COPS3: variants seen among roughly 807,000 people sequenced by gnomAD.
The protein encoded by COPS3 is COP9 signalosome subunit 3.
Under a neutral mutation model 58.2 loss-of-function variants are expected in COPS3, and 10 were observed. The observed-to-expected ratio is 0.17, with a 90% CI of 0.11 to 0.29. COPS3 has a LOEUF of 0.29. Ranked by LOEUF, COPS3 falls within the 10% of genes least tolerant of loss-of-function variation. COPS3 has a pLI of 1.00. For missense variants in COPS3, 333 were observed against 510.1 expected, an observed-to-expected ratio of 0.65 and a Z score of 3.34; for synonymous variants, 187 against 181.7, an observed-to-expected ratio of 1.03 and a Z score of -0.24.
chr17:17,267,529 G>A (rs893524788), intron 5 of COPS3, among the ~76,000 whole-genome samples: 7 of 149,822 alleles, frequency 4.7e-5, no homozygotes, highest in East Asian at 4.0e-4. Flanking sequence ...TCTCAGCTAC[G>A]CGAGAGGCTG....
rs898613527 is a variant in COPS3, at chr17:17,267,964, A to G, written c.362T>C (p.Ile121Thr). Residue 121 changes from isoleucine (I) to threonine (T), a missense_variant, in exon 5 of 12, where the codon ATT (isoleucine) becomes ACT (threonine). Physicochemically the swap from Ile to Thr is moderately conservative, Grantham distance 89. Transcript: ENST00000268717. ...LVERKQPLRG[I>T]GILKQAIDKM... ...GTCTATGGCTTGCTTAAGGATGCCA[A>G]TTCCTCGCAGGGGCTGTCAGAAATG... is the stretch of plus-strand genomic sequence containing the variant. 9.9e-6 allele frequency: 16 copies of G among 1,613,866 alleles called. No individual in the cohort carries two copies. Among genetic ancestry groups the G allele is most frequent in the Admixed American group, 6.7e-5 (4 of 59,964 alleles).
At chr17:17,249,398 A>T (rs1180028342) in intron 9 of COPS3, among the ~76,000 whole-genome samples, 1 of 152,124 alleles carries the variant, frequency 6.6e-6, no homozygotes, top group Non-Finnish European at 1.5e-5. Context: ...TTCTTGGCTC[A>T]CTGCAACCTC....
chr17:17,247,370 A>G (rs2047746421), intron 11 of COPS3, 110 bp downstream of exon 11: 2 of 1,084,768 alleles, frequency 1.8e-6, no homozygotes, highest in Non-Finnish European at 2.8e-6. Context: ...CGTACTGGTA[A>G]GGTTTTCAAG....
chr17:17,280,573 C>T, intron 1 of COPS3: 1 of 1,284,942 alleles, frequency 7.8e-7, no homozygotes, highest in Admixed American at 2.4e-5. Flanking sequence ...TGGAGTCCTA[C>T]GAGCGAGAGC....
At chr17:17,268,545 G>A (rs950326810) in intron 4 of COPS3, among the ~76,000 whole-genome samples, 1 of 152,152 alleles carries the variant, frequency 6.6e-6, no homozygotes, top group Non-Finnish European at 1.5e-5. Context: ...AAATTGCTGG[G>A]CACGGTGGCT....
intron 9 of COPS3, among the ~76,000 whole-genome samples, chr17:17,254,372 A>G (rs952910593): frequency 1.2e-4 from 19 of 152,004 alleles, no homozygotes; most frequent in African/African-American, 4.6e-4. Flanking sequence ...GAGCACACTA[A>G]AACTAGAAAC....
intron 11 of COPS3, 146 bp downstream of exon 11, chr17:17,247,334 G>T: frequency 2.2e-6 from 2 of 924,028 alleles, no homozygotes; most frequent in Non-Finnish European, 3.5e-6. Context: ...ATTTGAAAAT[G>T]CTCTCAACTA....
chr17:17,253,596 T>C (rs1303718253), intron 9 of COPS3, among the ~76,000 whole-genome samples: 1 of 152,136 alleles, frequency 6.6e-6, no homozygotes, highest in African/African-American at 2.4e-5. Flanking sequence ...GTGCTGCTTA[T>C]GGACCAAAAC....
rs1345375546 is a variant in COPS3 at position 17,277,845 on chromosome 17, CAGG to C, written c.56-1684_56-1682del. The stretch of plus-strand genomic sequence containing the variant: ...ATAAGGTGGGCAGATCTCTCGAGGT[CAGG>C]AGTTCAAGACCAGGCTGGCTCACAC... On this transcript the variant is annotated intron_variant, in intron 1 of 11. Coordinates refer to ENST00000268717, the MANE Select transcript of COPS3 (RefSeq NM_003653.4). Among the ~76,000 whole-genome samples, 11 of 151,972 alleles carry C rather than the reference CAGG, an allele frequency of 7.2e-5. 1 individual carries two copies. Among genetic ancestry groups the C allele is most frequent in the Middle Eastern group, 3.4e-3 (1 of 292 alleles).
rs2048225506 is a variant in COPS3 at position 17,266,564 on chromosome 17, T to G, written c.441+1321A>C. Among the ~76,000 whole-genome samples the G allele has an allele frequency of 2.6e-5, 4 of 152,042 alleles. No individual in the cohort carries two copies. In the South Asian group the frequency reaches 6.2e-4, roughly 24 times the overall value. ...CTGTAATCCCAGCACTTTGGGAGGC[T>G]GAGGTGGGCGGATCGCTTGAAGTCA... On this transcript the variant is annotated intron_variant, in intron 5 of 11. Transcript: ENST00000268717.
chr17:17,250,833 T>C (rs948574498), intron 9 of COPS3, among the ~76,000 whole-genome samples: 2 of 152,200 alleles, frequency 1.3e-5, no homozygotes, highest in Admixed American at 6.5e-5. Flanking sequence ...ACCAGCCCAA[T>C]ACATATTATA....
intron 5 of COPS3, among the ~76,000 whole-genome samples, chr17:17,265,894 T>C (rs1162612473): frequency 6.6e-6 from 1 of 152,168 alleles, no homozygotes; most frequent in African/African-American, 2.4e-5. Flanking sequence ...GTGATACAAG[T>C]AGAAGTGGTT....
chr17:17,273,745 A>G (rs1278933885), intron 2 of COPS3, among the ~76,000 whole-genome samples: 1 of 152,170 alleles, frequency 6.6e-6, no homozygotes, highest in African/African-American at 2.4e-5. Context: ...CTGGCTACTC[A>G]GGAGGCTGAG....
rs753420330 is a variant in COPS3 at position 17,262,334 on chromosome 17, C to T, written c.622-228G>A. Among the ~76,000 whole-genome samples the T allele has an allele frequency of 5.5e-4, 84 of 152,142 alleles. 1 individual carries two copies. The highest frequency in any genetic ancestry group is 1.0e-4 in the Non-Finnish European group (7 of 68,044). The stretch of plus-strand genomic sequence containing the variant: ...GGAGCGCAGTGATGTAATTATGGCT[C>T]ACTGTACCCTCAAACTCCTTGGGTT... On this transcript the variant is annotated intron_variant, in intron 6 of 11. Transcript: ENST00000268717.
At chr17:17,254,593 C>A (rs1017078949) in intron 9 of COPS3, among the ~76,000 whole-genome samples, 2 of 151,732 alleles carry the variant, frequency 1.3e-5, no homozygotes, top group African/African-American at 4.8e-5. Context: ...GGGCAGATCA[C>A]GTGGTCAGGA....
chr17:17,264,762 C>A (rs373690117), intron 6 of COPS3, 40 bp downstream of exon 6: 83 of 1,559,272 alleles, frequency 5.3e-5, no homozygotes, highest in Middle Eastern at 5.1e-4. Context: ...TTTGATCACA[C>A]AAGTTCAGAA....
intron 11 of COPS3, 60 bp from the exon 12 acceptor site, chr17:17,247,211 G>A: frequency 6.7e-7 from 1 of 1,503,058 alleles, no homozygotes; most frequent in Non-Finnish European, 9.3e-7. Context: ...TTCCCCGGCA[G>A]CCCAATAAGC....
intron 8 of COPS3, among the ~76,000 whole-genome samples, chr17:17,258,933 G>C (rs2048035513): frequency 1.3e-5 from 2 of 152,058 alleles, no homozygotes; most frequent in Admixed American, 6.6e-5. Context: ...TATTTGGAAG[G>C]ATTCTTTTTC....
At chr17:17,265,690 C>T (rs139575561) in intron 5 of COPS3, among the ~76,000 whole-genome samples, 1 of 152,234 alleles carries the variant, frequency 6.6e-6, no homozygotes, top group Non-Finnish European at 1.5e-5. Context: ...TGAGCCACCT[C>T]ACCTGGGGGA....
Sources: gnomAD v4.1 joint callset for allele counts (sites outside exome capture counted in the v4.1 genomes callset) on GRCh38, gnomAD v4.1.1 for gene constraint, MANE v1.5 for transcripts, NCBI Gene and HGNC (gene_info 2026-07-23, HGNC 2026-07-21) for gene names.